The following SNX10 variants were observed in gnomAD, a reference collection of about 807,000 sequenced individuals.
SNX10 encodes the protein sorting nexin 10.
SNX10 carries 25 observed loss-of-function variants against 28.5 expected under a neutral mutation model. That is an observed-to-expected ratio of 0.88 (90% CI 0.64 to 1.22). SNX10 has a LOEUF of 1.22. Ranked by LOEUF, SNX10 falls within the 50% of genes most tolerant of loss-of-function variation. The pLI is 0.00. For synonymous variants in SNX10, 62 were observed against 81.4 expected (o/e 0.76, Z 1.28); for missense variants, 223 against 242.6 (o/e 0.92, Z 0.54).
intron 2 of SNX10, among the ~76,000 whole-genome samples, chr7:26,351,357 T>C (rs1237907330): frequency 6.6e-6 from 1 of 152,226 alleles, no homozygotes; most frequent in Non-Finnish European, 1.5e-5. Flanking sequence ...GGAAGTGATA[T>C]CACCTGGAAG....
intron 1 of SNX10, among the ~76,000 whole-genome samples, chr7:26,307,526 C>T (rs1277889452): frequency 2.6e-5 from 4 of 152,186 alleles, no homozygotes; most frequent in Non-Finnish European, 5.9e-5. Context: ...CAGCTCGCTG[C>T]AACCTCTGCC....
rs577998207 is a variant in SNX10, at chr7:26,312,658, C to G, written c.-24+20572C>G. ...AATTAGCCAGGCGTGTTGGCGCTTG[C>G]CTGTAATCCCAGCTACTCAAGAGGC... On this transcript the variant is annotated intron_variant, in intron 1 of 6. Coordinates refer to ENST00000338523, the MANE Select transcript of SNX10 (RefSeq NM_013322.3). 2.0e-5 allele frequency among the ~76,000 whole-genome samples: 3 copies of G among 152,232 alleles called. No individual in the cohort carries two copies. In the South Asian group the frequency reaches 6.2e-4, roughly 32 times the overall value.
At chr7:26,325,674 G>C (rs1307181813) in intron 1 of SNX10, among the ~76,000 whole-genome samples, 1 of 151,788 alleles carries the variant, frequency 6.6e-6, no homozygotes, top group Non-Finnish European at 1.5e-5. Flanking sequence ...TGGTAATGGG[G>C]CATACAAGTG....
At chr7:26,345,419 C>T (rs1788344854) in intron 1 of SNX10, among the ~76,000 whole-genome samples, 1 of 152,184 alleles carries the variant, frequency 6.6e-6, no homozygotes, top group South Asian at 2.1e-4. Flanking sequence ...TCCATGGGTC[C>T]TCTGACTGCT....
intron 2 of SNX10, chr7:26,357,026 A>G: frequency 8.5e-7 from 1 of 1,178,244 alleles, no homozygotes; most frequent in Non-Finnish European, 1.1e-6. Context: ...TATTCATTAA[A>G]TGATACTAAT....
intron 1 of SNX10, among the ~76,000 whole-genome samples, chr7:26,342,216 G>A (rs1413826334): frequency 6.6e-6 from 1 of 151,660 alleles, no homozygotes; most frequent in Non-Finnish European, 1.5e-5. Flanking sequence ...TAGTAGAGAC[G>A]GGGTTTCACC....
chr7:26,364,179 C>A lies in SNX10; in HGVS notation c.112-356C>A. The A allele has an allele frequency of 3.3e-6, 1 of 301,294 alleles. No homozygotes were observed. The highest frequency in any genetic ancestry group is 4.9e-6 in the Non-Finnish European group (1 of 202,424). The allele number at this position is 301,294 out of a possible 1,614,324, so 18.7% of individuals were successfully genotyped here. A position where few individuals can be genotyped will look rare whatever the true frequency, so the allele number is the denominator to read the frequency against. On this transcript the variant is annotated intron_variant, in intron 3 of 6. Coordinates refer to ENST00000338523, the MANE Select transcript of SNX10 (RefSeq NM_013322.3). The surrounding 1 kb of genome is among the most constrained non-coding windows in gnomAD (Gnocchi z 4.9). ...AGCTTACGTGGATGGTGGTAAAATG[C>A]AACGGATGAACCTGAGCTCCTACCT...
In SNX10 at chr7:26,291,929, G is replaced by C; in HGVS notation, c.-181G>C. 1 of 142,972 alleles carries C rather than the reference G, an allele frequency of 7.0e-6. No homozygotes were observed. Among genetic ancestry groups the C allele is most frequent in the African/African-American group, 2.6e-5 (1 of 38,334 alleles). 8.9% of individuals were successfully genotyped at this position (142,972 alleles called of 1,614,324 possible). A position where few individuals can be genotyped will look rare whatever the true frequency, so the allele number is the denominator to read the frequency against. The stretch of plus-strand genomic sequence containing the variant: ...GGGCGCGGGGCCGCTACGTGCGCGG[G>C]GAGCGCGGGGAGCGCGGGGAGCGCG... On this transcript the variant is annotated 5_prime_UTR_variant, in exon 1 of 7. Transcript: ENST00000338523.
intron 1 of SNX10, among the ~76,000 whole-genome samples, chr7:26,316,053 A>G (rs1457821751): frequency 6.6e-6 from 1 of 151,382 alleles, no homozygotes; most frequent in Non-Finnish European, 1.5e-5. Flanking sequence ...GCGTGGTGGC[A>G]GGCGCCTGTA....
At chr7:26,292,472 T>A (rs1354684042) in intron 1 of SNX10, among the ~76,000 whole-genome samples, 1 of 152,192 alleles carries the variant, frequency 6.6e-6, no homozygotes, top group African/African-American at 2.4e-5. Flanking sequence ...TTATTTATTT[T>A]TTTATTCATT....
intron 1 of SNX10, among the ~76,000 whole-genome samples, chr7:26,297,997 G>A (rs1039881369): frequency 1.2e-4 from 18 of 152,324 alleles, no homozygotes; most frequent in African/African-American, 4.3e-4. Flanking sequence ...TTGGGAGGCC[G>A]AGGCAGGTGG....
intron 1 of SNX10, among the ~76,000 whole-genome samples, chr7:26,302,697 T>A (rs770658577): frequency 6.6e-6 from 1 of 152,350 alleles, no homozygotes; most frequent in Middle Eastern, 3.4e-3. Flanking sequence ...CCACTTTTGC[T>A]GCATACCCAC....
At chr7:26,342,706 G>A (rs1788228834) in intron 1 of SNX10, among the ~76,000 whole-genome samples, 2 of 152,206 alleles carry the variant, frequency 1.3e-5, no homozygotes, top group South Asian at 4.1e-4. Context: ...TCACTGTACA[G>A]ATTTACAGTA....
At chr7:26,299,198 G>A (rs1786223683) in intron 1 of SNX10, among the ~76,000 whole-genome samples, 1 of 151,880 alleles carries the variant, frequency 6.6e-6, no homozygotes. Flanking sequence ...GAGGATTTCA[G>A]CAATTTTTTT....
At chr7:26,358,427 AAAAT>A (rs1358059634) in intron 2 of SNX10, among the ~76,000 whole-genome samples, 1 of 152,200 alleles carries the variant, frequency 6.6e-6, no homozygotes, top group Admixed American at 6.5e-5. Flanking sequence ...GCGCATGAAA[AAAAT>A]AAAGAAATAG....
At chr7:26,320,392 A>G (rs1226856644) in intron 1 of SNX10, among the ~76,000 whole-genome samples, 1 of 151,762 alleles carries the variant, frequency 6.6e-6, no homozygotes, top group Non-Finnish European at 1.5e-5. Flanking sequence ...TTACCTTGGC[A>G]TATATTTTCT....
intron 1 of SNX10, among the ~76,000 whole-genome samples, chr7:26,325,182 G>A (rs1787451817): frequency 6.6e-6 from 1 of 151,100 alleles, no homozygotes; most frequent in African/African-American, 2.4e-5. Context: ...CGTTCAAAAT[G>A]TCCTAAGGAT....
At position 26,335,735 on chromosome 7, in the gene SNX10, CTTTTTTT is replaced by C. The variant is rs57340085; in HGVS notation, c.-23-10665_-23-10659del. Among the ~76,000 whole-genome samples, 639 of 84,258 alleles carry C rather than the reference CTTTTTTT, an allele frequency of 7.6e-3. 7 individuals are homozygous for C. Among genetic ancestry groups the C allele is most frequent in the Middle Eastern group, 0.064 (7 of 110 alleles). The allele number at this position is 84,258 out of a possible 152,430, so 55.3% of individuals were successfully genotyped here. ...AAAATAACCTCGCAGATGGAATATTCTTTTTTTTTTTTTTTTTTTTTTTTTTGAGACG... is the reference window on the plus strand; with the variant it reads ...AAAATAACCTCGCAGATGGAATATTCTTTTTTTTTTTTTTTTTTTGAGACG... On this transcript the variant is annotated intron_variant, in intron 1 of 6. Transcript: ENST00000338523.
intron 2 of SNX10, among the ~76,000 whole-genome samples, chr7:26,357,963 G>A (rs1283448708): frequency 6.6e-6 from 1 of 152,094 alleles, no homozygotes; most frequent in Non-Finnish European, 1.5e-5. Flanking sequence ...GCTCATGGGA[G>A]GGGGTTGAAT....
Sources: allele counts gnomAD v4.1 joint callset (sites outside exome capture counted in the v4.1 genomes callset), GRCh38; gene constraint gnomAD v4.1.1; non-coding constraint Gnocchi (gnomAD v3.1); transcripts MANE v1.5; gene names NCBI Gene and HGNC (gene_info 2026-07-23, HGNC 2026-07-21).